CPED1: variants seen among roughly 807,000 people sequenced by gnomAD.
CPED1 encodes cadherin like and PC-esterase domain containing 1.
A neutral mutation model predicts 128.2 loss-of-function variants in CPED1; 114 were observed. That is an observed-to-expected ratio of 0.89 (90% confidence interval 0.76 to 1.04). CPED1 has a LOEUF of 1.04. Ranked by LOEUF, CPED1 falls within the 50% of genes least tolerant of loss-of-function variation. The pLI, the probability that CPED1 is intolerant of heterozygous loss-of-function variation, is 0.00. For missense variants in CPED1, 1,211 were observed against 1,207.1 expected, an observed-to-expected ratio of 1.00 and a Z score of -0.05; for synonymous variants, 462 against 426.7, an observed-to-expected ratio of 1.08 and a Z score of -1.02.
intron 16 of CPED1, among the ~76,000 whole-genome samples, chr7:121,200,433 G>A (rs1185986909): frequency 6.6e-6 from 1 of 152,038 alleles, no homozygotes; most frequent in Non-Finnish European, 1.5e-5. Flanking sequence ...CTTGGGCCTA[G>A]TGTTACAAGG....
chr7:121,285,528 A>G (rs2116779641), intron 22 of CPED1, among the ~76,000 whole-genome samples: 1 of 152,320 alleles, frequency 6.6e-6, no homozygotes, highest in East Asian at 1.9e-4. Flanking sequence ...GCTGGTTAGA[A>G]ATTTCTTCTG....
intron 16 of CPED1, 144 bp from the exon 17 acceptor site, chr7:121,236,570 A>C (rs1286724436): frequency 1.5e-5 from 7 of 456,718 alleles, no homozygotes; most frequent in Admixed American, 1.5e-4. Context: ...ACAACTATTG[A>C]TAAGCTAGCA....
intron 5 of CPED1, among the ~76,000 whole-genome samples, chr7:121,080,029 G>A (rs910301653): frequency 6.6e-6 from 1 of 152,176 alleles, no homozygotes; most frequent in Non-Finnish European, 1.5e-5. Flanking sequence ...GTTTACTCAC[G>A]TAGATGGTAA....
chr7:121,235,368 A>G (rs1798228159), intron 16 of CPED1, among the ~76,000 whole-genome samples: 1 of 152,144 alleles, frequency 6.6e-6, no homozygotes, highest in Non-Finnish European at 1.5e-5. Flanking sequence ...ATAAATTAAG[A>G]AATGAAAATA....
intron 16 of CPED1, among the ~76,000 whole-genome samples, chr7:121,187,236 C>G (rs1797023038): frequency 6.6e-6 from 1 of 151,996 alleles, no homozygotes; most frequent in Non-Finnish European, 1.5e-5. Flanking sequence ...GGTAAGGAGC[C>G]CAGTAGGTCG....
At chr7:121,034,247 C>CTTTTTTTTTTTTT (rs3067998) in intron 3 of CPED1, among the ~76,000 whole-genome samples, 1 of 113,954 alleles carries the variant, frequency 8.8e-6, no homozygotes, top group Non-Finnish European at 1.7e-5. Context: ...GTTTTTTTTT[C>CTTTTTTTTTTTTT]TTTTTTTTTT....
At chr7:121,103,662 A>C (rs1794906252) in intron 7 of CPED1, among the ~76,000 whole-genome samples, 1 of 152,006 alleles carries the variant, frequency 6.6e-6, no homozygotes, top group African/African-American at 2.4e-5. Context: ...AATTCCACAA[A>C]ACATAATTTT....
At chr7:121,120,983 A>C (rs1050838225) in intron 7 of CPED1, among the ~76,000 whole-genome samples, 14 of 149,200 alleles carry the variant, frequency 9.4e-5, no homozygotes, top group South Asian at 2.1e-4. Flanking sequence ...AAAAAAAAAA[A>C]AAAACAAAAA....
intron 5 of CPED1, among the ~76,000 whole-genome samples, 153 bp downstream of exon 5, chr7:121,064,466 A>C (rs557363788): frequency 6.6e-6 from 1 of 152,194 alleles, no homozygotes; most frequent in Non-Finnish European, 1.5e-5. Flanking sequence ...ACGCTTTGCC[A>C]ATGAAAAGAC....
chr7:121,030,581 G>A (rs189673246), intron 3 of CPED1, among the ~76,000 whole-genome samples: 74 of 152,190 alleles, frequency 4.9e-4, no homozygotes, highest in African/African-American at 1.3e-3. Flanking sequence ...ATCGACTTTC[G>A]TCTCAGTGCT....
intron 3 of CPED1, 44 bp from the exon 4 acceptor site, chr7:121,046,843 A>G: frequency 4.8e-6 from 6 of 1,257,724 alleles, no homozygotes; most frequent in Non-Finnish European, 6.7e-6. Flanking sequence ...CTTTTAAAAT[A>G]TCTGATGAAA....
Position 121,130,217 on chromosome 7 carries a change from C to A in CPED1, c.1500C>A (p.Thr500=). Residue 500 remains threonine, a synonymous_variant, in exon 12 of 23, where the codon ACC becomes ACA. Transcript: ENST00000310396. The part of the protein sequence containing the change: ...NPVGNPGSVL[T]QYWSLLNVFE... ...TGGGAAATCCTGGCTCAGTCCTGAC[C>A]CAATACTGGTCTCTTTTAAATGTAT... The A allele has an allele frequency of 1.9e-6, 3 of 1,612,206 alleles. No individual in the cohort carries two copies.
intron 16 of CPED1, among the ~76,000 whole-genome samples, chr7:121,209,676 C>A (rs1376739902): frequency 6.6e-6 from 1 of 151,930 alleles, no homozygotes; most frequent in Non-Finnish European, 1.5e-5. Context: ...AGGAAACTCT[C>A]CAGAACATTG....
chr7:121,016,988 C>T (rs569640812), intron 3 of CPED1, among the ~76,000 whole-genome samples: 5 of 152,150 alleles, frequency 3.3e-5, no homozygotes, highest in Admixed American at 1.3e-4. Context: ...TTTGTGCTGG[C>T]GAATGAATGA....
chr7:121,080,710 T>TAC lies in CPED1; in HGVS notation c.616+16415_616+16416dup, dbSNP rs60277044. ...TTATGCATTTTAAAAACCTTCATTT[T>TAC]ACACACACACACACACACATACATA... On this transcript the variant is annotated intron_variant, in intron 5 of 22. Transcript: ENST00000310396. Among the ~76,000 whole-genome samples, 392 of 151,012 alleles carry TAC rather than the reference T, an allele frequency of 2.6e-3. 6 individuals are homozygous for TAC. Among genetic ancestry groups the TAC allele is most frequent in the South Asian group, 0.012 (56 of 4,768 alleles).
rs547519420 is a variant in CPED1, at chr7:121,264,019, T to C, written c.2311-2208T>C. ...TTGAAGAGCTGATTAAGGTAAAATG[T>C]CCTATGTGTGGGGCCTACTTAATCC... On this transcript the variant is annotated intron_variant, in intron 18 of 22. Transcript: ENST00000310396. Among the ~76,000 whole-genome samples, 25 of 152,132 alleles carry C rather than the reference T, an allele frequency of 1.6e-4. 1 individual carries two copies. In the Middle Eastern group the frequency reaches 0.01, roughly 62 times the overall value.
intron 16 of CPED1, among the ~76,000 whole-genome samples, chr7:121,157,788 T>G (rs570980171): frequency 4.5e-4 from 69 of 152,268 alleles, no homozygotes; most frequent in Admixed American, 8.5e-4. Context: ...CTAGACACGG[T>G]TCTTGAGTTC....
At chr7:121,282,390 A>G (rs1792480274) in intron 22 of CPED1, among the ~76,000 whole-genome samples, 1 of 152,170 alleles carries the variant, frequency 6.6e-6, no homozygotes, top group East Asian at 1.9e-4. Flanking sequence ...TAATAACCCC[A>G]AATGGCTCTC....
intron 2 of CPED1, among the ~76,000 whole-genome samples, chr7:120,997,017 C>T (rs897074424): frequency 6.6e-6 from 1 of 152,222 alleles, no homozygotes; most frequent in African/African-American, 2.4e-5. Context: ...AATCCATAAT[C>T]CACCCAACAG....
Sources: gnomAD v4.1 joint callset for allele counts (sites outside exome capture counted in the v4.1 genomes callset) on GRCh38, gnomAD v4.1.1 for gene constraint, MANE v1.5 for transcripts, NCBI Gene and HGNC (gene_info 2026-07-23, HGNC 2026-07-21) for gene names.